The following HCN1 variants were observed in gnomAD, a reference collection of about 807,000 sequenced individuals.
HCN1 encodes potassium/sodium hyperpolarization-activated cyclic nucleotide-gated channel 1.
Under a neutral mutation model 78.9 loss-of-function variants are expected in HCN1, and 13 were observed. That is an observed-to-expected ratio of 0.16 (90% CI 0.11 to 0.26). The LOEUF (loss-of-function observed/expected upper bound fraction) is 0.26. Ranked by LOEUF, HCN1 falls within the 10% of genes least tolerant of loss-of-function variation. The pLI is 1.00. For synonymous variants in HCN1, 552 were observed against 455.5 expected (o/e 1.21, Z -2.70); for missense variants, 810 against 1,154.3 (o/e 0.70, Z 4.32).
At chr5:45,620,509 A>T (rs1308682161) in intron 2 of HCN1, among the ~76,000 whole-genome samples, 1 of 151,870 alleles carries the variant, frequency 6.6e-6, no homozygotes, top group African/African-American at 2.4e-5. Flanking sequence ...TAGTATCAGA[A>T]GACAAATACG....
At chr5:45,346,648 G>A (rs534391070) in intron 5 of HCN1, among the ~76,000 whole-genome samples, 1 of 152,262 alleles carries the variant, frequency 6.6e-6, no homozygotes, top group African/African-American at 2.4e-5. Context: ...GGAAAATCGG[G>A]TCACTCCCAC....
rs983384301 is a variant in HCN1, at chr5:45,492,527, T to G, written c.850-30520A>C. On this transcript the variant is annotated intron_variant, in intron 2 of 7. Coordinates refer to ENST00000303230, the MANE Select transcript of HCN1 (RefSeq NM_021072.4). ...CCAGCAACAGTTTTTTTGTTTTTTT[T>G]TTTTTTTTTTGAGACAAGAGCCTTG... Among the ~76,000 whole-genome samples, 10 of 144,634 alleles carry G rather than the reference T, an allele frequency of 6.9e-5. 1 individual carries two copies. Among genetic ancestry groups the G allele is most frequent in the East Asian group, 2.0e-4 (1 of 4,990 alleles). The allele number at this position is 144,634 out of a possible 152,430, so 94.9% of individuals were successfully genotyped here. A position where few individuals can be genotyped will look rare whatever the true frequency, so the allele number is the denominator to read the frequency against.
intron 4 of HCN1, among the ~76,000 whole-genome samples, chr5:45,372,519 TAAAAATATATAAAACATTTACATATA>T (rs1561128519): frequency 7.9e-6 from 1 of 126,110 alleles, no homozygotes; most frequent in East Asian, 2.3e-4. Flanking sequence ...CATTTACATA[TAAAAATATATAAAACATTTACATATA>T]AAAATATATA....
At chr5:45,343,466 G>T (rs888215784) in intron 5 of HCN1, among the ~76,000 whole-genome samples, 1 of 152,160 alleles carries the variant, frequency 6.6e-6, no homozygotes, top group African/African-American at 2.4e-5. Flanking sequence ...GGAAGCAAAG[G>T]CATGAATGTA....
chr5:45,616,233 T>TA (rs1744947197), intron 2 of HCN1, among the ~76,000 whole-genome samples: 1 of 151,918 alleles, frequency 6.6e-6, no homozygotes, highest in African/African-American at 2.4e-5. Flanking sequence ...ACTGTGGGCA[T>TA]AACGTGATAA....
intron 5 of HCN1, among the ~76,000 whole-genome samples, chr5:45,306,680 T>G (rs1745740809): frequency 6.6e-6 from 1 of 152,084 alleles, no homozygotes; most frequent in Admixed American, 6.6e-5. Flanking sequence ...TTTAAAAAAA[T>G]ATTTTTAATC....
intron 2 of HCN1, chr5:45,575,839 T>C (rs1743931065): frequency 6.6e-6 from 1 of 152,154 alleles, no homozygotes; most frequent in South Asian, 2.1e-4. Flanking sequence ...ACAGCATCCA[T>C]TCTGCAGCCC....
chr5:45,497,374 A>G (rs1237425141), intron 2 of HCN1, among the ~76,000 whole-genome samples: 1 of 152,118 alleles, frequency 6.6e-6, no homozygotes, highest in African/African-American at 2.4e-5. Context: ...TGCTTTATGA[A>G]TCTGGGTGCT....
At chr5:45,292,270 C>T (rs993381458) in intron 6 of HCN1, among the ~76,000 whole-genome samples, 1 of 151,914 alleles carries the variant, frequency 6.6e-6, no homozygotes, top group Non-Finnish European at 1.5e-5. Flanking sequence ...GGGCACTAGT[C>T]AAATATGGCT....
chr5:45,592,095 T>G (rs1744376194), intron 2 of HCN1, among the ~76,000 whole-genome samples: 1 of 152,156 alleles, frequency 6.6e-6, no homozygotes, highest in African/African-American at 2.4e-5. Flanking sequence ...TTGTCAAAAA[T>G]TACTTGACTC....
At chr5:45,385,507 C>A (rs868037886) in intron 4 of HCN1, among the ~76,000 whole-genome samples, 1 of 151,980 alleles carries the variant, frequency 6.6e-6, no homozygotes, top group Non-Finnish European at 1.5e-5. Context: ...GAAATAAAGG[C>A]AATTAAGGCT....
At chr5:45,554,673 C>T (rs1743436909) in intron 2 of HCN1, among the ~76,000 whole-genome samples, 1 of 151,650 alleles carries the variant, frequency 6.6e-6, no homozygotes, top group African/African-American at 2.4e-5. Context: ...TTAAGGCAAG[C>T]AGGAGAAAAT....
intron 5 of HCN1, among the ~76,000 whole-genome samples, chr5:45,314,900 C>T (rs189974333): frequency 6.6e-6 from 1 of 152,256 alleles, no homozygotes; most frequent in African/African-American, 2.4e-5. Flanking sequence ...ACAGGAGCAT[C>T]CAGATTCATA....
At chr5:45,557,971 A>T (rs138003414) in intron 2 of HCN1, 1 of 152,224 alleles carries the variant, frequency 6.6e-6, no homozygotes, top group East Asian at 1.9e-4. Context: ...TCTCATGTGA[A>T]TCAAAAGCTA....
chr5:45,442,979 A>G (rs1284730610), intron 3 of HCN1, among the ~76,000 whole-genome samples: 1 of 152,080 alleles, frequency 6.6e-6, no homozygotes, highest in East Asian at 1.9e-4. Context: ...AACTTTTTCT[A>G]TATCCAGTAC....
At chr5:45,666,112 T>G (rs1033665119) in intron 1 of HCN1, among the ~76,000 whole-genome samples, 3 of 152,102 alleles carry the variant, frequency 2.0e-5, no homozygotes, top group African/African-American at 7.2e-5. Flanking sequence ...CTCTTTCTGC[T>G]GAACTTGTGT....
chr5:45,545,812 C>T (rs1743211498), intron 2 of HCN1, among the ~76,000 whole-genome samples: 1 of 151,896 alleles, frequency 6.6e-6, no homozygotes. Flanking sequence ...TCACCTCCTT[C>T]TTGAGACACT....
rs141672785 is a variant in HCN1 at position 45,378,522 on chromosome 5, C to T, written c.1230+17970G>A. On this transcript the variant is annotated intron_variant, in intron 4 of 7. Transcript: ENST00000303230. Reference sequence around the variant, plus strand: ...CTCTAACTGGAAAATTTAAGCACCCCTATCTCCATGTGGAGGTTGATAAGT... The same window carrying T: ...CTCTAACTGGAAAATTTAAGCACCCTTATCTCCATGTGGAGGTTGATAAGT... 6.2e-3 allele frequency among the ~76,000 whole-genome samples: 951 copies of T among 152,212 alleles called. 21 individuals carry two copies. The highest frequency in any genetic ancestry group is 0.04 in the Admixed American group (609 of 15,244).
intron 6 of HCN1, among the ~76,000 whole-genome samples, chr5:45,283,611 G>T (rs1448680199): frequency 6.6e-6 from 1 of 152,116 alleles, no homozygotes; most frequent in East Asian, 1.9e-4. Flanking sequence ...ACACTAGTCA[G>T]AATGTCTACC....
Sources: allele counts gnomAD v4.1 joint callset (sites outside exome capture counted in the v4.1 genomes callset), GRCh38; gene constraint gnomAD v4.1.1; transcripts MANE v1.5; gene names NCBI Gene and HGNC (gene_info 2026-07-23, HGNC 2026-07-21).